Variants in FANCB observed in about 807,000 individuals in gnomAD.
FANCB encodes FA complementation group B, also known as Fanconi anemia group B protein.
FANCB carries 5 observed loss-of-function variants against 38.9 expected under a neutral mutation model. The observed-to-expected ratio is 0.13, with a 90% CI of 0.07 to 0.27. FANCB has a LOEUF of 0.27. FANCB is among the 10% of genes least tolerant of loss of function. The pLI is 1.00. For missense variants in FANCB, 573 were observed against 602.7 expected (o/e 0.95, Z 0.52); for synonymous variants, 236 against 215.4 (o/e 1.10, Z -0.84).
chrX:14,759,802 G>GA, the FANCB span, among the ~76,000 whole-genome samples: 3,716 of 96,161 alleles, frequency 0.039, 173 homozygotes, highest in African/African-American at 0.12. Context: ...AAACACAATG[G>GA]AAAAAAAAAA....
Position 14,844,593 on chromosome X carries a change from T to G in FANCB, c.2075A>C (p.Tyr692Ser). ...GAAACTTCCCGGTCTTTCACAAAAG[T>G]ACACTTCTGGAAATTCTTTGATTAT... ...CEIIKEFPEV[Y>S]FCERPGSFYG... Residue 692 changes from tyrosine (Y) to serine (S), a missense_variant, in exon 9 of 10, where the codon TAC (tyrosine) becomes TCC (serine). By Grantham distance (144) the Tyr-to-Ser change is moderately radical. Coordinates refer to ENST00000650831, the MANE Select transcript of FANCB (RefSeq NM_001018113.3). 4 of 1,210,045 alleles carry G rather than the reference T, an allele frequency of 3.3e-6. No individual in the cohort carries two copies. The highest frequency in any genetic ancestry group is 4.5e-6 in the Non-Finnish European group (4 of 893,828).
At position 14,850,601 on chromosome X, in the gene FANCB, T is replaced by C; in HGVS notation, c.1400A>G (p.Asn467Ser). 1.0e-5 allele frequency: 12 copies of C among 1,188,561 alleles called. No individual in the cohort carries two copies. The South Asian group carries it at 2.1e-4, about 21-fold the overall frequency. Residue 467 changes from asparagine (N) to serine (S), a missense_variant, in exon 7 of 10, where the codon AAT becomes AGT. Physicochemically the swap from Asn to Ser is conservative, Grantham distance 46. Transcript: ENST00000650831. ...VHILDEKLSDNFQDSEQLVEK... is the reference protein window; with the variant it reads ...VHILDEKLSDSFQDSEQLVEK... The stretch of plus-strand genomic sequence containing the variant: ...TACTAGCTGTTCTGAATCTTGAAAA[T>C]TGTCTGATAACTTTTCATCTAAGAT...
At chrX:14,844,231 T>A (rs866120454) in intron 9 of FANCB, among the ~76,000 whole-genome samples, 161 of 111,364 alleles carry the variant, frequency 1.4e-3, no homozygotes, top group African/African-American at 4.9e-3. Context: ...AAGGTCAATA[T>A]AATATTTTTT....
At chrX:14,798,790 C>A in the FANCB span, among the ~76,000 whole-genome samples, 3 of 111,672 alleles carry the variant, frequency 2.7e-5, no homozygotes, top group African/African-American at 9.8e-5. Flanking sequence ...GTTATTTAAT[C>A]AAACACCAAT....
the FANCB span, among the ~76,000 whole-genome samples, chrX:14,825,430 T>C: frequency 2.7e-5 from 3 of 111,873 alleles, no homozygotes; most frequent in Admixed American, 2.9e-4. Flanking sequence ...TATTGATCTA[T>C]ATCTCAGTTT....
At chrX:14,856,978 G>T (rs925774190) in intron 5 of FANCB, among the ~76,000 whole-genome samples, 1 of 111,924 alleles carries the variant, frequency 8.9e-6, no homozygotes, top group Admixed American at 9.5e-5. Context: ...TTTGATAATG[G>T]TATTATAGTT....
chrX:14,785,814 G>A, the FANCB span, among the ~76,000 whole-genome samples: 3 of 111,306 alleles, frequency 2.7e-5, no homozygotes, highest in South Asian at 3.8e-4. Context: ...ACTACAGTAC[G>A]CCAGATGCTG....
the FANCB span, among the ~76,000 whole-genome samples, chrX:14,797,713 A>AG: frequency 9.4e-6 from 1 of 106,681 alleles, no homozygotes; most frequent in East Asian, 2.9e-4. Flanking sequence ...GAGAGAGAGA[A>AG]AGAAATAAGT....
At chrX:14,761,007 C>A in the FANCB span, among the ~76,000 whole-genome samples, 2 of 110,898 alleles carry the variant, frequency 1.8e-5, no homozygotes, top group East Asian at 5.7e-4. Context: ...AAAAAAAAAA[C>A]CACTGAATTA....
chrX:14,697,868 A>G, the FANCB span, among the ~76,000 whole-genome samples: 28 of 112,153 alleles, frequency 2.5e-4, no homozygotes, highest in African/African-American at 8.7e-4. Flanking sequence ...TTTTTGTATG[A>G]TATAAATCCG....
chrX:14,839,139 C>T (rs2092348326), downstream of FANCB, among the ~76,000 whole-genome samples: 1 of 110,728 alleles, frequency 9.0e-6, no homozygotes, highest in Non-Finnish European at 1.9e-5. Context: ...ACTAAAAATA[C>T]AAAACTTAGG....
chrX:14,723,680 T>C, the FANCB span, among the ~76,000 whole-genome samples: 1 of 111,609 alleles, frequency 9.0e-6, no homozygotes, highest in East Asian at 2.8e-4. Context: ...CTCAGTTGCA[T>C]CCCTCAATTG....
At chrX:14,718,123 T>C in the FANCB span, among the ~76,000 whole-genome samples, 6 of 111,366 alleles carry the variant, frequency 5.4e-5, no homozygotes, top group East Asian at 1.7e-3. Flanking sequence ...GATTGATTCC[T>C]ATAGTAGGGT....
the FANCB span, among the ~76,000 whole-genome samples, chrX:14,774,783 T>G: frequency 1.8e-5 from 2 of 111,947 alleles, no homozygotes; most frequent in African/African-American, 6.5e-5. Flanking sequence ...CCGTAAACAA[T>G]AACATTTCTT....
chrX:14,707,251 G>C, the FANCB span, among the ~76,000 whole-genome samples: 2 of 111,489 alleles, frequency 1.8e-5, no homozygotes. Context: ...CCAGCTGGCT[G>C]AATCTAAATC....
chrX:14,846,885 AAC>A (rs201547473), intron 7 of FANCB, among the ~76,000 whole-genome samples: 3,642 of 110,500 alleles, frequency 0.033, 49 homozygotes, highest in African/African-American at 0.054. Flanking sequence ...ACTTAGAGAT[AAC>A]AGTCAAGTCC....
chrX:14,778,667 C>T, the FANCB span, among the ~76,000 whole-genome samples: 1 of 112,240 alleles, frequency 8.9e-6, no homozygotes, highest in Non-Finnish European at 1.9e-5. Flanking sequence ...GAATAATTCT[C>T]TGAAGTAGGC....
At chrX:14,758,873 C>T in the FANCB span, among the ~76,000 whole-genome samples, 13 of 110,320 alleles carry the variant, frequency 1.2e-4, no homozygotes, top group Admixed American at 4.9e-4. Flanking sequence ...TAAATCAAGA[C>T]GAAATCTCTG....
the FANCB span, among the ~76,000 whole-genome samples, chrX:14,750,537 G>A: frequency 9.0e-6 from 1 of 111,401 alleles, no homozygotes; most frequent in Non-Finnish European, 1.9e-5. Flanking sequence ...TATTCCTGTG[G>A]TGAGAACTTT....
Sources: gnomAD v4.1 joint callset for allele counts (sites outside exome capture counted in the v4.1 genomes callset) on GRCh38, gnomAD v4.1.1 for gene constraint, MANE v1.5 for transcripts, NCBI Gene and HGNC (gene_info 2026-07-23, HGNC 2026-07-21) for gene names.